SLC6A6: variants seen among roughly 807,000 people sequenced by gnomAD.
SLC6A6 encodes the protein solute carrier family 6 member 6, also known as sodium- and chloride-dependent taurine transporter.
Under a neutral mutation model 68.8 loss-of-function variants are expected in SLC6A6, and 16 were observed. The observed-to-expected ratio is 0.23, with a 90% confidence interval of 0.16 to 0.35. The LOEUF (loss-of-function observed/expected upper bound fraction) is 0.35, where lower values mean the gene tolerates loss of function less well. Ranked by LOEUF, SLC6A6 falls within the 10% of genes least tolerant of loss-of-function variation. The probability of loss-of-function intolerance (pLI) is 1.00; values close to 1 mark genes in which losing one functional copy is unlikely to be tolerated. For missense variants in SLC6A6, 474 were observed against 802.8 expected, an observed-to-expected ratio of 0.59 and a Z score of 4.95; for synonymous variants, 312 against 315.4, an observed-to-expected ratio of 0.99 and a Z score of 0.12.
chr3:14,422,583 G>T (rs1699509072), intron 2 of SLC6A6, among the ~76,000 whole-genome samples: 1 of 152,024 alleles, frequency 6.6e-6, no homozygotes, highest in African/African-American at 2.4e-5. Flanking sequence ...CCGCTTAGTG[G>T]CTCACCTTCT....
chr3:14,466,701 G>T, intron 7 of SLC6A6, 51 bp downstream of exon 7: 1 of 1,557,006 alleles, frequency 6.4e-7, no homozygotes. Context: ...GGGCTGGGCC[G>T]GCACAGGACA....
chr3:14,472,821 C>G lies in SLC6A6; in HGVS notation c.1209+504C>G, dbSNP rs1377242614. Reference sequence around the variant, plus strand: ...ATAAGTTGCAAGTGCCCAGGAGAAGCCTACGCCACACTCAGGATTCTGTGC... The same window carrying G: ...ATAAGTTGCAAGTGCCCAGGAGAAGGCTACGCCACACTCAGGATTCTGTGC... On this transcript the variant is annotated intron_variant, in intron 10 of 14. Transcript: ENST00000622186. The surrounding 1 kb of genome is among the most constrained non-coding windows in gnomAD (Gnocchi z 4.5). 1.3e-5 allele frequency among the ~76,000 whole-genome samples: 2 copies of G among 152,244 alleles called. No homozygotes were observed. The highest frequency in any genetic ancestry group is 4.8e-5 in the African/African-American group (2 of 41,458).
At position 14,485,054 on chromosome 3, in the gene SLC6A6, C is replaced by T. The variant is rs200279567; in HGVS notation, c.*47C>T. ...CGGCGGCTTTCCTGCTGTTTACTAA[C>T]ATTAGATTCTCATAGGACCAGGTTT... is the stretch of plus-strand genomic sequence containing the variant. On this transcript the variant is annotated 3_prime_UTR_variant, in exon 15 of 15. Transcript: ENST00000622186. 1.2e-3 allele frequency: 1,840 copies of T among 1,528,572 alleles called. 38 individuals are homozygous for T. The South Asian group carries it at 0.02, about 17-fold the overall frequency. 94.7% of individuals were successfully genotyped at this position (1,528,572 alleles called of 1,614,324 possible). A position where few individuals can be genotyped will look rare whatever the true frequency, so the allele number is the denominator to read the frequency against.
chr3:14,403,827 G>A (rs572365035), intron 1 of SLC6A6, among the ~76,000 whole-genome samples: 2 of 152,336 alleles, frequency 1.3e-5, no homozygotes, highest in East Asian at 3.9e-4. Flanking sequence ...CAGCCTCAAA[G>A]CTTCAGCCTG....
chr3:14,414,632 C>A (rs888676455), intron 1 of SLC6A6, among the ~76,000 whole-genome samples: 1 of 152,058 alleles, frequency 6.6e-6, no homozygotes, highest in African/African-American at 2.4e-5. Flanking sequence ...CTCAAGCAGT[C>A]CTCCCACCTC....
intron 5 of SLC6A6, 51 bp downstream of exon 5, chr3:14,447,867 G>A: frequency 6.2e-7 from 1 of 1,602,776 alleles, no homozygotes; most frequent in Non-Finnish European, 8.5e-7. Context: ...GGGCAGAGAG[G>A]ATGGCCCACT....
At chr3:14,436,336 G>A (rs1350941344) in intron 2 of SLC6A6, among the ~76,000 whole-genome samples, 1 of 151,970 alleles carries the variant, frequency 6.6e-6, no homozygotes, top group Non-Finnish European at 1.5e-5. Context: ...GAGTAGCTGG[G>A]ACTGCAGGCG....
chr3:14,451,888 G>A (rs1273545391), intron 5 of SLC6A6, among the ~76,000 whole-genome samples: 3 of 152,194 alleles, frequency 2.0e-5, no homozygotes, highest in African/African-American at 4.8e-5. Flanking sequence ...GGATACCCTC[G>A]AAGGTTGGTC....
chr3:14,421,731 A>G (rs542467215), intron 2 of SLC6A6, among the ~76,000 whole-genome samples: 1 of 152,238 alleles, frequency 6.6e-6, no homozygotes, highest in East Asian at 1.9e-4. Context: ...CCCCCCATTT[A>G]CAGGTGAGAA....
chr3:14,455,846 A>G (rs1700354388), intron 5 of SLC6A6, among the ~76,000 whole-genome samples: 1 of 152,290 alleles, frequency 6.6e-6, no homozygotes, highest in African/African-American at 2.4e-5. Context: ...GTTGGCCGCC[A>G]GCCTGCCCTA....
In SLC6A6 at chr3:14,443,688, G is replaced by A. The variant is rs1351974719; in HGVS notation, c.54G>A (p.Leu18=). The part of the protein sequence containing the change: ...QCLKDFHKDI[L]KPSPGKSPGT... ...TGAAAGATTTCCACAAGGACATCCT[G>A]AAGCCCTCACCAGGGAAGAGCCCAG... Residue 18 remains leucine (L), a synonymous_variant, in exon 3 of 15, where the codon CTG becomes CTA. Coordinates refer to ENST00000622186, the MANE Select transcript of SLC6A6 (RefSeq NM_003043.6). The A allele has an allele frequency of 1.2e-6, 2 of 1,614,184 alleles. No homozygotes were observed. The highest frequency in any genetic ancestry group is 2.2e-5 in the East Asian group (1 of 44,886).
intron 6 of SLC6A6, among the ~76,000 whole-genome samples, chr3:14,465,401 T>C (rs1700595160): frequency 6.6e-6 from 1 of 152,212 alleles, no homozygotes; most frequent in African/African-American, 2.4e-5. Flanking sequence ...GAGCCTTTCC[T>C]ATTCCCAGTT....
At chr3:14,429,174 C>T (rs1273977021) in intron 2 of SLC6A6, among the ~76,000 whole-genome samples, 1 of 152,222 alleles carries the variant, frequency 6.6e-6, no homozygotes, top group Non-Finnish European at 1.5e-5. Context: ...CTCAAACTCC[C>T]TTTCTCTTTA....
chr3:14,403,539 G>T (rs1699036336), intron 1 of SLC6A6, among the ~76,000 whole-genome samples: 1 of 152,164 alleles, frequency 6.6e-6, no homozygotes, highest in Non-Finnish European at 1.5e-5. Context: ...CAGGGCCGGC[G>T]CTGAGTGGGG....
At chr3:14,482,398 G>T (rs1049754643) in intron 14 of SLC6A6, among the ~76,000 whole-genome samples, 2 of 152,212 alleles carry the variant, frequency 1.3e-5, no homozygotes, top group Non-Finnish European at 2.9e-5. Context: ...GCCTCCCCTG[G>T]CCCCACCTAC....
chr3:14,472,306 C>G lies in SLC6A6; in HGVS notation c.1198C>G (p.Leu400Val). 6.2e-7 allele frequency: 1 copy of G among 1,601,458 alleles called. No individual in the cohort carries two copies. The highest frequency in any genetic ancestry group is 8.6e-7 in the Non-Finnish European group (1 of 1,168,484). The change falls in exon 10 of 15, where the codon CTG (leucine) becomes GTG (valine). Residue 400 changes from leucine to valine, a missense_variant. Leu to Val is a conservative substitution (Grantham distance 32). Around this residue, in one of 2 missense-constraint regions of SLC6A6, gnomAD observed 280 missense variants for 533.1 expected, o/e 0.53. Transcript: ENST00000622186. This position sits in a 1 kb window ranked among gnomAD's most constrained non-coding sequence, Gnocchi z 4.5. ...LFFIMLLLLG[L>V]DSQFVEVEGQ... ...TTTTATTATGCTTCTCTTGCTTGGACTGGATAGCCAGGTGCGTATAAGGGA... is the reference window on the plus strand; with the variant it reads ...TTTTATTATGCTTCTCTTGCTTGGAGTGGATAGCCAGGTGCGTATAAGGGA...
intron 9 of SLC6A6, among the ~76,000 whole-genome samples, chr3:14,470,225 T>A (rs911412994): frequency 6.6e-6 from 1 of 152,198 alleles, no homozygotes; most frequent in African/African-American, 2.4e-5. Context: ...AGTTGTTTTT[T>A]CCTCCCGTCC....
rs908998778 is a variant in SLC6A6 at position 14,488,937 on chromosome 3, C to T, written c.*3930C>T. On this transcript the variant is annotated 3_prime_UTR_variant, in exon 15 of 15. Transcript: ENST00000622186. The stretch of plus-strand genomic sequence containing the variant: ...TTTTTTTTTTTTACCCAATTAATCT[C>T]CCAATCCCTAGCAACTGTGACTCTG... 6.6e-6 allele frequency: 1 copy of T among 152,238 alleles called. No individual in the cohort carries two copies. The highest frequency in any genetic ancestry group is 2.4e-5 in the African/African-American group (1 of 41,306). 9.4% of individuals were successfully genotyped at this position (152,238 alleles called of 1,614,324 possible). A position where few individuals can be genotyped will look rare whatever the true frequency, so the allele number is the denominator to read the frequency against.
chr3:14,418,882 T>C (rs1259078242), intron 2 of SLC6A6, among the ~76,000 whole-genome samples: 4 of 152,166 alleles, frequency 2.6e-5, no homozygotes, highest in Non-Finnish European at 5.9e-5. Context: ...TTGAACCTGA[T>C]TGAGCTGACT....
Sources: gnomAD v4.1 joint callset for allele counts (sites outside exome capture counted in the v4.1 genomes callset) on GRCh38, gnomAD v4.1.1 for gene constraint, gnomAD v4.1.1 regional missense constraint, Gnocchi (gnomAD v3.1) non-coding constraint, MANE v1.5 for transcripts, NCBI Gene and HGNC (gene_info 2026-07-23, HGNC 2026-07-21) for gene names.